METTL2B: variants seen among roughly 807,000 people sequenced by gnomAD.
The protein encoded by METTL2B is methyltransferase 2B, tRNA N3-cytidine.
Under a neutral mutation model 51.0 loss-of-function variants are expected in METTL2B, and 28 were observed. That is an observed-to-expected ratio of 0.55 (90% CI 0.41 to 0.75). The LOEUF (loss-of-function observed/expected upper bound fraction) is 0.75, where lower values mean the gene tolerates loss of function less well. METTL2B is among the 30% of genes least tolerant of loss of function. The pLI is 0.00. For missense variants in METTL2B, 313 were observed against 460.7 expected, an observed-to-expected ratio of 0.68 and a Z score of 2.93; for synonymous variants, 128 against 166.3, an observed-to-expected ratio of 0.77 and a Z score of 1.77.
intron 6 of METTL2B, among the ~76,000 whole-genome samples, 165 bp from the exon 7 acceptor site, chr7:128,497,871 A>G (rs1028995094): frequency 5.9e-5 from 9 of 152,240 alleles, no homozygotes; most frequent in Non-Finnish European, 8.8e-5. Flanking sequence ...AGCTGTGAGC[A>G]GGCAGCTAAC....
At position 128,505,937 on chromosome 7, in the gene METTL2B, C is replaced by A. The variant is rs1380293665; in HGVS notation, c.*4021C>A. On this transcript the variant is annotated 3_prime_UTR_variant, in exon 9 of 9. Transcript: ENST00000262432. ...CTCGACCTCCCATGCTCAAGTGATT[C>A]TCCCACCCCAGCCTCCCAAGTAGAT... 1 of 152,218 alleles carries A rather than the reference C, an allele frequency of 6.6e-6. No homozygotes were observed. Among genetic ancestry groups the A allele is most frequent in the African/African-American group, 2.4e-5 (1 of 41,462 alleles). 9.4% of individuals were successfully genotyped at this position (152,218 alleles called of 1,614,324 possible).
rs768186569 is a variant in METTL2B at position 128,477,031 on chromosome 7, T to C, written c.111-51T>C. On this transcript the variant is annotated intron_variant, in intron 1 of 8. Coordinates refer to ENST00000262432, the MANE Select transcript of METTL2B (RefSeq NM_018396.3). ...AAACTCCTAGGCCAGCGACTCACCC[T>C]GCTCGCAGCCAGGACGTGAAGCCCC... 3.2e-5 allele frequency: 51 copies of C among 1,610,508 alleles called. No individual in the cohort carries two copies. The Admixed American group carries it at 5.4e-4, about 17-fold the overall frequency.
At chr7:128,485,794 A>T (rs1374850090) in intron 4 of METTL2B, among the ~76,000 whole-genome samples, 1 of 152,240 alleles carries the variant, frequency 6.6e-6, no homozygotes, top group East Asian at 1.9e-4. Flanking sequence ...TCCAGGTGAC[A>T]GAGCAAGACC....
intron 4 of METTL2B, chr7:128,484,299 CTG>C (rs1327111819): frequency 7.6e-6 from 1 of 131,116 alleles, no homozygotes; most frequent in African/African-American, 2.9e-5. Context: ...TCACAGCTCA[CTG>C]TAGCTTCAAC....
In METTL2B at chr7:128,479,249, C is replaced by T. The variant is rs770988208; in HGVS notation, c.294C>T (p.Thr98=). The T allele has an allele frequency of 9.9e-6, 16 of 1,614,036 alleles. No individual in the cohort carries two copies. The highest frequency in any genetic ancestry group is 1.3e-5 in the African/African-American group (1 of 74,918). ...TCAAGGATAGACATTGGCTTTTTAC[C>T]GAATTCCCTGAGCTGGCACCTAGCC... ...GFFKDRHWLF[T]EFPELAPSQN... The change falls in exon 3 of 9, where the codon ACC becomes ACT. Residue 98 remains threonine (T), a synonymous_variant. Coordinates refer to ENST00000262432, the MANE Select transcript of METTL2B (RefSeq NM_018396.3).
chr7:128,485,913 T>C (rs567918714), intron 4 of METTL2B, among the ~76,000 whole-genome samples: 1 of 152,232 alleles, frequency 6.6e-6, no homozygotes, highest in East Asian at 1.9e-4. Flanking sequence ...TGTGTGTGGG[T>C]TGTATGCAAA....
chr7:128,479,872 C>T lies in METTL2B; in HGVS notation c.558+359C>T, dbSNP rs548269615. ...TGTCCCAGATCAGAAGAAATTGTTG[C>T]TTCTCTTCTAATACAGTTACAGGAA... On this transcript the variant is annotated intron_variant, in intron 3 of 8. Coordinates refer to ENST00000262432, the MANE Select transcript of METTL2B (RefSeq NM_018396.3). Among the ~76,000 whole-genome samples the T allele has an allele frequency of 1.1e-4, 16 of 152,320 alleles. No individual in the cohort carries two copies. In the South Asian group the frequency reaches 3.3e-3, roughly 32 times the overall value.
chr7:128,494,424 C>A (rs1243051708), intron 6 of METTL2B, among the ~76,000 whole-genome samples: 1 of 152,182 alleles, frequency 6.6e-6, no homozygotes, highest in Non-Finnish European at 1.5e-5. Context: ...GTCTTGATGT[C>A]CAACTTCTGT....
chr7:128,482,406 G>A (rs1474849632), intron 4 of METTL2B, among the ~76,000 whole-genome samples: 3 of 151,910 alleles, frequency 2.0e-5, no homozygotes, highest in East Asian at 1.9e-4. Flanking sequence ...TACCTGCCTC[G>A]GCCTCCCAAA....
intron 4 of METTL2B, among the ~76,000 whole-genome samples, chr7:128,486,395 T>A (rs1462938996): frequency 1.3e-5 from 2 of 150,432 alleles, no homozygotes; most frequent in African/African-American, 4.9e-5. Flanking sequence ...AGGTCAGGAG[T>A]TCAAGACCAA....
rs780049881 is a variant in METTL2B, at chr7:128,493,878, A to G, written c.744A>G (p.Pro248=). The G allele has an allele frequency of 3.7e-6, 6 of 1,612,762 alleles. No homozygotes were observed. The Admixed American group carries it at 1.0e-4, about 27-fold the overall frequency. The change falls in exon 6 of 9, where the codon CCA becomes CCG. Residue 248 remains proline (P), a synonymous_variant. Transcript: ENST00000262432. ...TGTGTGATGAAGAGAAGAGTTACCC[A>G]GTGCCCAAGGGCAGTCTTGATATTA... ...HDLCDEEKSY[P]VPKGSLDIII... is the part of the protein sequence containing the mutation.
chr7:128,479,628 C>T (rs1224030632), intron 3 of METTL2B, 115 bp downstream of exon 3: 7 of 1,175,114 alleles, frequency 6.0e-6, no homozygotes, highest in Middle Eastern at 2.0e-4. Flanking sequence ...GCTGACTAGA[C>T]TTGACCCTTA....
In METTL2B at chr7:128,505,332, T is replaced by G. The variant is rs1185300669; in HGVS notation, c.*3416T>G. On this transcript the variant is annotated 3_prime_UTR_variant, in exon 9 of 9. Coordinates refer to ENST00000262432, the MANE Select transcript of METTL2B (RefSeq NM_018396.3). ...ATTGAATTTATTAGTTGTGTCTCAG[T>G]CTCCTTCAGTCTACAGTTTAGGCTT... is the stretch of plus-strand genomic sequence containing the variant. 1 of 152,168 alleles carries G rather than the reference T, an allele frequency of 6.6e-6. No individual in the cohort carries two copies. The highest frequency in any genetic ancestry group is 6.5e-5 in the Admixed American group (1 of 15,272). 9.4% of individuals were successfully genotyped at this position (152,168 alleles called of 1,614,324 possible). A position where few individuals can be genotyped will look rare whatever the true frequency, so the allele number is the denominator to read the frequency against.
rs1793112739 is a variant in METTL2B, at chr7:128,505,807, C to G, written c.*3891C>G. ...TGATTTACTTGTCTCAATATGGACC[C>G]ATGGGTATTTGAGTTTCTTGTGGGG... is the stretch of plus-strand genomic sequence containing the variant. On this transcript the variant is annotated 3_prime_UTR_variant, in exon 9 of 9. Transcript: ENST00000262432. 6.6e-6 allele frequency: 1 copy of G among 152,046 alleles called. No individual in the cohort carries two copies. The highest frequency in any genetic ancestry group is 1.5e-5 in the Non-Finnish European group (1 of 68,024). The allele number at this position is 152,046 out of a possible 1,614,324, so 9.4% of individuals were successfully genotyped here.
chr7:128,495,662 A>C (rs1792912262), intron 6 of METTL2B, among the ~76,000 whole-genome samples: 1 of 152,144 alleles, frequency 6.6e-6, no homozygotes, highest in African/African-American at 2.4e-5. Context: ...CATGTTGGCC[A>C]GGCTGATCTT....
At chr7:128,494,835 C>G (rs1439119587) in intron 6 of METTL2B, among the ~76,000 whole-genome samples, 1 of 151,364 alleles carries the variant, frequency 6.6e-6, no homozygotes, top group Non-Finnish European at 1.5e-5. Context: ...ACCATGTTGG[C>G]CAGGCTGGTC....
At chr7:128,488,466 C>G in intron 5 of METTL2B, 1 of 543,092 alleles carries the variant, frequency 1.8e-6, no homozygotes, top group Non-Finnish European at 3.6e-6. Flanking sequence ...TGGTGATTCT[C>G]AGAATATTTC....
intron 7 of METTL2B, among the ~76,000 whole-genome samples, chr7:128,500,150 C>T (rs1386623919): frequency 6.6e-6 from 1 of 152,110 alleles, no homozygotes; most frequent in Non-Finnish European, 1.5e-5. Context: ...GGCTGGTAAA[C>T]TGAGATGAGG....
intron 7 of METTL2B, among the ~76,000 whole-genome samples, 167 bp from the exon 8 acceptor site, chr7:128,500,736 C>T (rs1381163256): frequency 3.3e-5 from 5 of 152,186 alleles, no homozygotes; most frequent in African/African-American, 9.6e-5. Flanking sequence ...TTAGGAACCT[C>T]ATGTTTTCTG....
Sources: gnomAD v4.1 joint callset for allele counts (sites outside exome capture counted in the v4.1 genomes callset) on GRCh38, gnomAD v4.1.1 for gene constraint, MANE v1.5 for transcripts, NCBI Gene and HGNC (gene_info 2026-07-23, HGNC 2026-07-21) for gene names.